CD37: variants seen among roughly 807,000 people sequenced by gnomAD.
CD37 encodes leukocyte antigen CD37.
In CD37, 37 loss-of-function variants were observed where a neutral mutation model predicts 38.9. That is an observed-to-expected ratio of 0.95 (90% confidence interval 0.73 to 1.25). CD37 has a LOEUF of 1.25. Ranked by LOEUF, CD37 falls within the 50% of genes most tolerant of loss-of-function variation. CD37 has a pLI of 0.00. For missense variants in CD37, 351 were observed against 360.1 expected (o/e 0.97, Z 0.20); for synonymous variants, 146 against 150.1 (o/e 0.97, Z 0.20).
Position 49,337,952 on chromosome 19 carries a change from G to A in CD37, c.370G>A (p.Glu124Lys), listed in dbSNP as rs760918965. The change falls in exon 5 of 8, where the codon GAG becomes AAG. Residue 124 changes from glutamate (E) to lysine (K), a missense_variant. Coordinates refer to ENST00000323906, the MANE Select transcript of CD37 (RefSeq NM_001774.3). ...QLERSLRDVV[E>K]KTIQKYGTNP... is the part of the protein sequence containing the mutation. Reference sequence around the variant, plus strand: ...GGAGCGAAGCTTGCGGGACGTCGTAGAGAAAACCATCCAAAAGTACGGCAC... The same window carrying A: ...GGAGCGAAGCTTGCGGGACGTCGTAAAGAAAACCATCCAAAAGTACGGCAC... 6.2e-7 allele frequency: 1 copy of A among 1,614,100 alleles called. No homozygotes were observed. Among genetic ancestry groups the A allele is most frequent in the Admixed American group, 1.7e-5 (1 of 60,014 alleles).
At chr19:49,336,793 C>A in intron 2 of CD37, 116 bp from the exon 3 acceptor site, 1 of 1,101,212 alleles carries the variant, frequency 9.1e-7, no homozygotes, top group Non-Finnish European at 1.3e-6. Context: ...GGGACAGAGT[C>A]CCAGAGAGAG....
rs760123514 is a variant in CD37, at chr19:49,340,222, TTC to T, written c.769-25_769-24del. Reference sequence around the variant, plus strand: ...CCCGTCTCGCCAGCACCCCTTCGACTTCTCTGACCTCATCTCCTTTCTCTATA... The same window carrying T: ...CCCGTCTCGCCAGCACCCCTTCGACTTCTGACCTCATCTCCTTTCTCTATA... On this transcript the variant is annotated intron_variant, in intron 7 of 7. Transcript: ENST00000323906. 2.6e-6 allele frequency: 4 copies of T among 1,541,188 alleles called. No homozygotes were observed. The East Asian group carries it at 9.8e-5, about 38-fold the overall frequency.
intron 2 of CD37, chr19:49,336,586 T>C (rs954047561): frequency 4.1e-5 from 10 of 244,264 alleles, no homozygotes; most frequent in Middle Eastern, 1.4e-3. Context: ...ATAGATATCA[T>C]CTCCTATGCC....
At chr19:49,340,151 A>C in intron 7 of CD37, 100 bp from the exon 8 acceptor site, 3 of 1,511,384 alleles carry the variant, frequency 2.0e-6, no homozygotes, top group Non-Finnish European at 2.7e-6. Flanking sequence ...TTCCCGCCCA[A>C]TTCACGGCCC....
At position 49,338,514 on chromosome 19, in the gene CD37, G is replaced by T. The variant is rs1486714147; in HGVS notation, c.448-186G>T. ...GTCACCCCGTGACTCGTCTTTCCCAGCCCCATGTTCCCGTAATGTCCCCTG... is the reference window on the plus strand; with the variant it reads ...GTCACCCCGTGACTCGTCTTTCCCATCCCCATGTTCCCGTAATGTCCCCTG... On this transcript the variant is annotated intron_variant, in intron 5 of 7. Transcript: ENST00000323906. The surrounding 1 kb of genome is among the most constrained non-coding windows in gnomAD (Gnocchi z 5.0). Among the ~76,000 whole-genome samples, 1 of 151,688 alleles carries T rather than the reference G, an allele frequency of 6.6e-6. No homozygotes were observed. Among genetic ancestry groups the T allele is most frequent in the Non-Finnish European group, 1.5e-5 (1 of 67,922 alleles).
intron 4 of CD37, 30 bp from the exon 5 acceptor site, chr19:49,337,895 T>TAA: frequency 6.2e-7 from 1 of 1,613,220 alleles, no homozygotes; most frequent in African/African-American, 1.3e-5. Context: ...GCGGGGAAGA[T>TAA]AAGGCCCAGC....
rs1971030529 is a variant in CD37 at position 49,338,134 on chromosome 19, A to G, written c.447+105A>G. 1.3e-5 allele frequency: 20 copies of G among 1,499,990 alleles called. No individual in the cohort carries two copies. Among genetic ancestry groups the G allele is most frequent in the Non-Finnish European group, 1.8e-5 (20 of 1,123,716 alleles). 92.9% of individuals were successfully genotyped at this position (1,499,990 alleles called of 1,614,324 possible). On this transcript the variant is annotated intron_variant, in intron 5 of 7. Transcript: ENST00000323906. This position sits in a 1 kb window ranked among gnomAD's most constrained non-coding sequence, Gnocchi z 5.0. ...GCCCGACCCCCAGCTCTACGATCCTAACACACCCCAATCCCTCCCAGGCCC... is the reference window on the plus strand; with the variant it reads ...GCCCGACCCCCAGCTCTACGATCCTGACACACCCCAATCCCTCCCAGGCCC...
Position 49,335,624 on chromosome 19 carries a change from G to A in CD37, c.69+15G>A. ...TCTTCTTCTTCGTGAGTTGCCTCAT[G>A]GCTACCCAGCCGGGGCCCAGCCCCT... On this transcript the variant is annotated intron_variant, in intron 1 of 7. Coordinates refer to ENST00000323906, the MANE Select transcript of CD37 (RefSeq NM_001774.3). This position sits in a 1 kb window ranked among gnomAD's most constrained non-coding sequence, Gnocchi z 4.6. 2.5e-6 allele frequency: 4 copies of A among 1,613,074 alleles called. No homozygotes were observed. The highest frequency in any genetic ancestry group is 3.4e-6 in the Non-Finnish European group (4 of 1,179,134).
chr19:49,337,721 C>T (rs554746978), intron 4 of CD37: 3 of 1,535,018 alleles, frequency 2.0e-6, no homozygotes, highest in East Asian at 4.9e-5. Flanking sequence ...AAATAGACGC[C>T]CTGAAAGAAG....
Position 49,336,902 on chromosome 19 carries a change from C to CT in CD37, c.143-6dup. ...CAGCTCATCATCACTCCCCTCACCT[C>CT]TCCCAGGCTTGGCCTTCGTGCCTCT... On this transcript the variant is annotated splice_polypyrimidine_tract_variant and splice_region_variant and intron_variant, in intron 2 of 7. Transcript: ENST00000323906. 6.2e-7 allele frequency: 1 copy of CT among 1,613,926 alleles called. No individual in the cohort carries two copies. Among genetic ancestry groups the CT allele is most frequent in the Non-Finnish European group, 8.5e-7 (1 of 1,179,860 alleles).
intron 4 of CD37, 43 bp from the exon 5 acceptor site, chr19:49,337,882 G>T (rs374716933): frequency 6.2e-7 from 1 of 1,611,516 alleles, no homozygotes; most frequent in Non-Finnish European, 8.5e-7. Context: ...GGGGAGGGGT[G>T]GGGCGGGGAA....
At chr19:49,336,802 AGG>A (rs766833551) in intron 2 of CD37, 105 bp from the exon 3 acceptor site, 10 of 1,176,554 alleles carry the variant, frequency 8.5e-6, no homozygotes, top group Non-Finnish European at 1.1e-5. Flanking sequence ...TCCCAGAGAG[AGG>A]GGCACCAAGA....
chr19:49,340,436 T>A lies in CD37; in HGVS notation c.*108T>A. 2.5e-6 allele frequency: 2 copies of A among 813,368 alleles called. No individual in the cohort carries two copies. Among genetic ancestry groups the A allele is most frequent in the Non-Finnish European group, 4.2e-6 (2 of 479,880 alleles). The allele number at this position is 813,368 out of a possible 1,614,324, so 50.4% of individuals were successfully genotyped here. ...CCCAGTTCGCCTGGAGCCCTCCGCC[T>A]TCACATTCCCCTGGGGACCCACGTG... On this transcript the variant is annotated 3_prime_UTR_variant, in exon 8 of 8. Coordinates refer to ENST00000323906, the MANE Select transcript of CD37 (RefSeq NM_001774.3).
intron 4 of CD37, 78 bp from the exon 5 acceptor site, chr19:49,337,847 G>C (rs1453420943): frequency 6.2e-7 from 1 of 1,600,830 alleles, no homozygotes; most frequent in South Asian, 1.1e-5. Flanking sequence ...CACAGGGCCC[G>C]CCTGAGGCTG....
chr19:49,337,304 A>T, intron 4 of CD37, 83 bp downstream of exon 4: 1 of 1,340,438 alleles, frequency 7.5e-7, no homozygotes, highest in Non-Finnish European at 1.1e-6. Flanking sequence ...AGAGAGACCG[A>T]AACAAGGGCA....
chr19:49,340,098 C>T, intron 7 of CD37, 153 bp from the exon 8 acceptor site: 1 of 1,529,600 alleles, frequency 6.5e-7, no homozygotes, highest in Non-Finnish European at 8.8e-7. Flanking sequence ...CGGCAGTTCC[C>T]GTCGAGCCCC....
chr19:49,335,442 GTCTCTCTTTCTCTCTCAGCC>G lies in CD37; in HGVS notation c.-95_-76del. The G allele has an allele frequency of 1.1e-6, 1 of 886,420 alleles. No homozygotes were observed. Among genetic ancestry groups the G allele is most frequent in the Non-Finnish European group, 1.8e-6 (1 of 541,390 alleles). The allele number at this position is 886,420 out of a possible 1,614,324, so 54.9% of individuals were successfully genotyped here. On this transcript the variant is annotated 5_prime_UTR_variant, in exon 1 of 8. Transcript: ENST00000323906. The surrounding 1 kb of genome is among the most constrained non-coding windows in gnomAD (Gnocchi z 4.6). ...TTCTTCCTTTCTCTCTCAGCTCTCC[GTCTCTCTTTCTCTCTCAGCC>G]TCTTTCTTTCTCCCTGTCTCCCCCA...
In CD37 at chr19:49,339,728, C is replaced by A. The variant is rs905652575; in HGVS notation, c.768+315C>A. ...CGCCGGAAATGCGAGCCGCACGTGC[C>A]GGGCGCTGGGGATTCGAGCCCCGGG... On this transcript the variant is annotated intron_variant, in intron 7 of 7. Coordinates refer to ENST00000323906, the MANE Select transcript of CD37 (RefSeq NM_001774.3). The surrounding 1 kb of genome is among the most constrained non-coding windows in gnomAD (Gnocchi z 4.5). 19 of 1,399,242 alleles carry A rather than the reference C, an allele frequency of 1.4e-5. No homozygotes were observed. The highest frequency in any genetic ancestry group is 1.8e-5 in the Non-Finnish European group (19 of 1,081,704). The allele number at this position is 1,399,242 out of a possible 1,614,324, so 86.7% of individuals were successfully genotyped here.
In CD37 at chr19:49,339,719, C is replaced by T. The variant is rs1971131729; in HGVS notation, c.768+306C>T. ...AGGGCACTCCGCCGGAAATGCGAGC[C>T]GCACGTGCCGGGCGCTGGGGATTCG... On this transcript the variant is annotated intron_variant, in intron 7 of 7. Coordinates refer to ENST00000323906, the MANE Select transcript of CD37 (RefSeq NM_001774.3). The surrounding 1 kb of genome is among the most constrained non-coding windows in gnomAD (Gnocchi z 4.5). 7.1e-7 allele frequency: 1 copy of T among 1,401,138 alleles called. No homozygotes were observed. Among genetic ancestry groups the T allele is most frequent in the Admixed American group, 3.1e-5 (1 of 31,804 alleles). 86.8% of individuals were successfully genotyped at this position (1,401,138 alleles called of 1,614,324 possible). A position where few individuals can be genotyped will look rare whatever the true frequency, so the allele number is the denominator to read the frequency against.
Sources: allele counts gnomAD v4.1 joint callset (sites outside exome capture counted in the v4.1 genomes callset), GRCh38; gene constraint gnomAD v4.1.1; non-coding constraint Gnocchi (gnomAD v3.1); transcripts MANE v1.5; gene names NCBI Gene and HGNC (gene_info 2026-07-23, HGNC 2026-07-21).